Variants in USP34 observed in about 807,000 individuals in gnomAD.
USP34 encodes ubiquitin carboxyl-terminal hydrolase 34.
A neutral mutation model predicts 460.3 loss-of-function variants in USP34; 70 were observed. The observed-to-expected ratio is 0.15, with a 90% confidence interval of 0.13 to 0.19. The LOEUF (loss-of-function observed/expected upper bound fraction) is 0.19, where lower values mean the gene tolerates loss of function less well. USP34 is among the 10% of genes least tolerant of loss of function. The pLI, the probability that USP34 is intolerant of heterozygous loss-of-function variation, is 1.00. For synonymous variants in USP34, 1,647 were observed against 1,405.3 expected (o/e 1.17, Z -3.85); for missense variants, 3,985 against 4,236.2 (o/e 0.94, Z 1.65).
chr2:61,452,712 T>G (rs1465048943), intron 1 of USP34, among the ~76,000 whole-genome samples: 3 of 148,788 alleles, frequency 2.0e-5, no homozygotes, highest in Admixed American at 6.7e-5. Context: ...AAAGAGGCCC[T>G]GTCTCCACCA....
intron 1 of USP34, among the ~76,000 whole-genome samples, chr2:61,430,043 G>A (rs527736424): frequency 4.6e-5 from 7 of 152,074 alleles, no homozygotes; most frequent in East Asian, 3.9e-4. Flanking sequence ...GAAACCCCCC[G>A]TCTCTACTAA....
chr2:61,464,774 G>C lies in USP34; in HGVS notation c.43+5876C>G, dbSNP rs559902314. On this transcript the variant is annotated intron_variant, in intron 1 of 79. Coordinates refer to ENST00000398571, the MANE Select transcript of USP34 (RefSeq NM_014709.4). ...ATGTAATTTTCACTCTGCTTTCAGAGAAATTTACCTTACGAGGTAAATAAC... is the reference window on the plus strand; with the variant it reads ...ATGTAATTTTCACTCTGCTTTCAGACAAATTTACCTTACGAGGTAAATAAC... Among the ~76,000 whole-genome samples the C allele has an allele frequency of 1.8e-4, 25 of 141,966 alleles. No homozygotes were observed. In the South Asian group the frequency reaches 5.7e-3, roughly 32 times the overall value. 93.1% of individuals were successfully genotyped at this position (141,966 alleles called of 152,430 possible). A position where few individuals can be genotyped will look rare whatever the true frequency, so the allele number is the denominator to read the frequency against.
intron 8 of USP34, among the ~76,000 whole-genome samples, chr2:61,371,115 C>T (rs1357378007): frequency 6.6e-6 from 1 of 151,986 alleles, no homozygotes; most frequent in Non-Finnish European, 1.5e-5. Flanking sequence ...AATGGCAGAC[C>T]AAAGGATGGA....
chr2:61,200,422 C>T (rs1275661092), intron 75 of USP34: 1 of 152,304 alleles, frequency 6.6e-6, no homozygotes, highest in East Asian at 1.9e-4. Context: ...ACACTCCAAC[C>T]CTCTCGCTTA....
At chr2:61,297,169 C>A (rs532475113) in intron 29 of USP34, among the ~76,000 whole-genome samples, 1 of 152,250 alleles carries the variant, frequency 6.6e-6, no homozygotes, top group East Asian at 1.9e-4. Flanking sequence ...TGATCATGTT[C>A]CTCATGAAAC....
intron 21 of USP34, among the ~76,000 whole-genome samples, chr2:61,322,426 T>C (rs1464926773): frequency 6.6e-6 from 1 of 151,990 alleles, no homozygotes; most frequent in African/African-American, 2.4e-5. Context: ...ACAGACGAAC[T>C]ATTCAGAACA....
In USP34 at chr2:61,418,235, A is replaced by C. The variant is rs145219629; in HGVS notation, c.131+2511T>G. 4.8e-3 allele frequency among the ~76,000 whole-genome samples: 725 copies of C among 151,778 alleles called. 12 individuals carry two copies. The highest frequency in any genetic ancestry group is 4.0e-3 in the Non-Finnish European group (270 of 67,944). On this transcript the variant is annotated intron_variant, in intron 2 of 79. Transcript: ENST00000398571. ...GCTGGGATTACTGGTACACACCACC[A>C]CGCCTGGCTAATTTTTGTATTTTTA...
chr2:61,311,785 T>C lies in USP34; in HGVS notation c.3668A>G (p.Lys1223Arg). ...VVCQPAGLPD[K>R]MTIEMYPSDQ... The stretch of plus-strand genomic sequence containing the variant: ...TCGAAATTAAAACTATGTAAGTACC[T>C]TGTCAGGAAGTCCAGCTGGCTGGCA... The change falls in exon 26 of 80, where the codon AAG becomes AGG. Residue 1223 changes from lysine to arginine, a missense_variant and splice_region_variant. Lys to Arg is a conservative substitution (Grantham distance 26). Coordinates refer to ENST00000398571, the MANE Select transcript of USP34 (RefSeq NM_014709.4). 2 of 1,613,546 alleles carry C rather than the reference T, an allele frequency of 1.2e-6. No homozygotes were observed. Among genetic ancestry groups the C allele is most frequent in the Non-Finnish European group, 1.7e-6 (2 of 1,179,840 alleles).
chr2:61,383,116 T>C (rs560159688), intron 6 of USP34, among the ~76,000 whole-genome samples, 153 bp downstream of exon 6: 2 of 152,298 alleles, frequency 1.3e-5, no homozygotes, highest in Middle Eastern at 3.4e-3. Context: ...AATCCATATA[T>C]GTGCATAAAA....
intron 30 of USP34, 72 bp from the exon 31 acceptor site, chr2:61,295,362 C>T (rs963134087): frequency 4.7e-5 from 70 of 1,475,142 alleles, no homozygotes; most frequent in Non-Finnish European, 6.0e-5. Flanking sequence ...TTTAAACAAA[C>T]TGACACTACA....
In USP34 at chr2:61,215,831, C is replaced by A. The variant is rs1687380527; in HGVS notation, c.8048-1137G>T. ...GTGGCAGGCATTGCATTTATTATCCCCACTTTCACTCAGGCTTACAACAAT... is the reference window on the plus strand; with the variant it reads ...GTGGCAGGCATTGCATTTATTATCCACACTTTCACTCAGGCTTACAACAAT... On this transcript the variant is annotated intron_variant, in intron 67 of 79. Transcript: ENST00000398571. Among the ~76,000 whole-genome samples the A allele has an allele frequency of 2.0e-5, 3 of 152,152 alleles. No homozygotes were observed. The South Asian group carries it at 6.2e-4, about 32-fold the overall frequency.
chr2:61,356,860 C>T (rs141040883), intron 10 of USP34, among the ~76,000 whole-genome samples: 1 of 152,258 alleles, frequency 6.6e-6, no homozygotes, highest in Non-Finnish European at 1.5e-5. Flanking sequence ...GGATCAACTG[C>T]ATTTTTTCAA....
chr2:61,266,284 CA>C, intron 41 of USP34, 117 bp from the exon 42 acceptor site: 8 of 890,798 alleles, frequency 9.0e-6, no homozygotes, highest in Non-Finnish European at 1.1e-5. Flanking sequence ...CGTATAGCAG[CA>C]TGATATACCA....
At chr2:61,447,152 G>A (rs1274300856) in intron 1 of USP34, among the ~76,000 whole-genome samples, 1 of 149,524 alleles carries the variant, frequency 6.7e-6, no homozygotes, top group Non-Finnish European at 1.5e-5. Context: ...CTACTCGGGA[G>A]GCTGAGGCAC....
intron 41 of USP34, among the ~76,000 whole-genome samples, chr2:61,274,319 G>A (rs1397190052): frequency 6.6e-6 from 1 of 152,030 alleles, no homozygotes; most frequent in African/African-American, 2.4e-5. Flanking sequence ...GAACCTGGGA[G>A]GTGGAGGTTG....
chr2:61,214,719 C>A, intron 67 of USP34, 25 bp from the exon 68 acceptor site: 1 of 1,609,638 alleles, frequency 6.2e-7, no homozygotes, highest in South Asian at 1.1e-5. Flanking sequence ...ACAAAACTGT[C>A]AGATCCTTGT....
At chr2:61,262,088 CAAAAAAAAAAA>C (rs61651654) in intron 43 of USP34, among the ~76,000 whole-genome samples, 9,322 of 46,632 alleles carry the variant, frequency 0.2, 721 homozygotes, top group South Asian at 0.28. Context: ...AAGACTTCGT[CAAAAAAAAAAA>C]AAAAAAAAAA....
chr2:61,264,176 G>T (rs1039338633), intron 43 of USP34, among the ~76,000 whole-genome samples: 4 of 152,148 alleles, frequency 2.6e-5, no homozygotes, highest in African/African-American at 9.7e-5. Context: ...ATAATGTACA[G>T]AGATAAATTT....
intron 29 of USP34, among the ~76,000 whole-genome samples, chr2:61,299,765 T>A (rs1355910014): frequency 6.6e-6 from 1 of 150,800 alleles, no homozygotes; most frequent in Non-Finnish European, 1.5e-5. Context: ...AAAATAAAAA[T>A]AATAATAAAA....
Sources: gnomAD v4.1 joint callset for allele counts (sites outside exome capture counted in the v4.1 genomes callset) on GRCh38, gnomAD v4.1.1 for gene constraint, MANE v1.5 for transcripts, NCBI Gene and HGNC (gene_info 2026-07-23, HGNC 2026-07-21) for gene names.